ARSK: variants seen among roughly 807,000 people sequenced by gnomAD.
The protein encoded by ARSK is arylsulfatase family member K.
ARSK carries 37 observed loss-of-function variants against 53.2 expected under a neutral mutation model. The ratio of observed to expected loss-of-function variants is 0.70; its 90% CI spans 0.54 to 0.92. The LOEUF (loss-of-function observed/expected upper bound fraction) is 0.92. ARSK is among the 40% of genes least tolerant of loss of function. ARSK has a pLI of 0.00. For missense variants in ARSK, 613 were observed against 643.0 expected, an observed-to-expected ratio of 0.95 and a Z score of 0.51; for synonymous variants, 208 against 223.2, an observed-to-expected ratio of 0.93 and a Z score of 0.61.
intron 6 of ARSK, among the ~76,000 whole-genome samples, chr5:95,595,628 G>A (rs1160358874): frequency 3.3e-5 from 5 of 152,076 alleles, no homozygotes; most frequent in South Asian, 4.2e-4. Context: ...GGTTACTCAT[G>A]GACGTAAAAA....
Position 95,600,916 on chromosome 5 carries a change from T to G in ARSK, c.1166T>G (p.Phe389Cys). ...YSLLPLSSET[F>C]KNEHKVKNLH... Reference sequence around the variant, plus strand: ...TTGTTGCCGTTATCATCAGAAACATTTAAGAATGAACATAAAGTCAAAAAC... The same window carrying G: ...TTGTTGCCGTTATCATCAGAAACATGTAAGAATGAACATAAAGTCAAAAAC... Residue 389 changes from phenylalanine to cysteine, a missense_variant, in exon 7 of 8, where the codon TTT becomes TGT. Transcript: ENST00000380009. The G allele has an allele frequency of 1.9e-6, 3 of 1,614,052 alleles. No homozygotes were observed. The highest frequency in any genetic ancestry group is 2.5e-6 in the Non-Finnish European group (3 of 1,179,972).
rs1465883008 is a variant in ARSK at position 95,583,097 on chromosome 5, A to C, written c.598A>C (p.Ile200Leu). 6 of 1,613,648 alleles carry C rather than the reference A, an allele frequency of 3.7e-6. No homozygotes were observed. Among genetic ancestry groups the C allele is most frequent in the Non-Finnish European group, 5.1e-6 (6 of 1,179,654 alleles). Residue 200 changes from isoleucine to leucine, a missense_variant, in exon 4 of 8, where the codon ATT becomes CTT. Transcript: ENST00000380009. ...EAINYTEPFV[I>L]YLGLNLPHPY... ...AATTAATTACACTGAACCATTTGTT[A>C]TTTACTTGGGATTAAATTTACCACA...
chr5:95,578,499 T>C (rs1748966799), intron 3 of ARSK, among the ~76,000 whole-genome samples: 1 of 152,116 alleles, frequency 6.6e-6, no homozygotes, highest in African/African-American at 2.4e-5. Context: ...GATCCTTTTT[T>C]TTCTTACAGA....
intron 3 of ARSK, chr5:95,581,061 G>A (rs17084910): frequency 0.13 from 60,868 of 466,142 alleles, 6,136 homozygotes; most frequent in African/African-American, 0.37. Context: ...CTAAAGCCAT[G>A]CTTATGAAAA....
intron 4 of ARSK, 92 bp downstream of exon 4, chr5:95,583,290 G>A: frequency 2.5e-6 from 3 of 1,194,770 alleles, no homozygotes; most frequent in Non-Finnish European, 3.3e-6. Flanking sequence ...CACTTTTAAA[G>A]AAAAATTTGA....
At chr5:95,601,202 A>G in intron 7 of ARSK, 131 bp downstream of exon 7, 1 of 922,240 alleles carries the variant, frequency 1.1e-6, no homozygotes, top group South Asian at 1.7e-5. Flanking sequence ...AGGACGATCT[A>G]CAAAAGGTTG....
chr5:95,601,444 T>A (rs1226850891), intron 7 of ARSK, among the ~76,000 whole-genome samples: 1 of 152,202 alleles, frequency 6.6e-6, no homozygotes, highest in Non-Finnish European at 1.5e-5. Flanking sequence ...TATTTAATGT[T>A]CACCACAACC....
intron 3 of ARSK, among the ~76,000 whole-genome samples, chr5:95,576,950 A>G (rs1748934891): frequency 6.6e-6 from 1 of 152,204 alleles, no homozygotes; most frequent in African/African-American, 2.4e-5. Context: ...GCAAGACTCC[A>G]TCATAAGTTA....
At position 95,574,887 on chromosome 5, in the gene ARSK, G is replaced by A. The variant is rs149474661; in HGVS notation, c.416+6838G>A. Among the ~76,000 whole-genome samples, 459 of 152,114 alleles carry A rather than the reference G, an allele frequency of 3.0e-3. 2 individuals carry two copies. Among genetic ancestry groups the A allele is most frequent in the African/African-American group, 9.5e-3 (396 of 41,510 alleles). On this transcript the variant is annotated intron_variant, in intron 3 of 7. Transcript: ENST00000380009. The stretch of plus-strand genomic sequence containing the variant: ...GTCTATTTTTATTTTAGTTGTCTGC[G>A]TTTGTGGGGTATTACTCAAGAAATA...
chr5:95,556,298 A>G (rs1748506453), intron 1 of ARSK: 1 of 698,972 alleles, frequency 1.4e-6, no homozygotes. Context: ...TTAAACTTAG[A>G]GAATGGGCAG....
intron 1 of ARSK, among the ~76,000 whole-genome samples, chr5:95,558,131 T>C (rs1292800914): frequency 6.6e-6 from 1 of 152,128 alleles, no homozygotes; most frequent in Non-Finnish European, 1.5e-5. Context: ...CTAATCCAAG[T>C]TGGAGAGGTT....
chr5:95,567,701 T>C (rs1390316320), intron 2 of ARSK, among the ~76,000 whole-genome samples, 189 bp from the exon 3 acceptor site: 2 of 152,108 alleles, frequency 1.3e-5, no homozygotes, highest in African/African-American at 4.8e-5. Context: ...AAATAGTAAC[T>C]CCCCACAGAG....
chr5:95,566,095 C>A lies in ARSK; in HGVS notation c.224C>A (p.Thr75Lys), dbSNP rs767479498. ...TRGTSFLNAY[T>K]NSPICCPSRA... Reference sequence around the variant, plus strand: ...GGGACTTCCTTTCTGAATGCCTACACAAACTCTCCAATTTGTTGCCCATCA... The same window carrying A: ...GGGACTTCCTTTCTGAATGCCTACAAAAACTCTCCAATTTGTTGCCCATCA... The change falls in exon 2 of 8, where the codon ACA (threonine) becomes AAA (lysine). Residue 75 changes from threonine (T) to lysine (K), a missense_variant. Thr to Lys is a moderately conservative substitution (Grantham distance 78). Coordinates refer to ENST00000380009, the MANE Select transcript of ARSK (RefSeq NM_198150.3). 1 of 1,613,680 alleles carries A rather than the reference C, an allele frequency of 6.2e-7. No individual in the cohort carries two copies. Among genetic ancestry groups the A allele is most frequent in the Non-Finnish European group, 8.5e-7 (1 of 1,179,858 alleles).
At chr5:95,590,743 C>T (rs374778928) in intron 5 of ARSK, among the ~76,000 whole-genome samples, 16 of 152,158 alleles carry the variant, frequency 1.1e-4, no homozygotes, top group African/African-American at 3.9e-4. Flanking sequence ...CTCTTAATTA[C>T]AGTAGGAGGA....
chr5:95,579,166 A>T (rs543460644), intron 3 of ARSK, among the ~76,000 whole-genome samples: 2 of 152,158 alleles, frequency 1.3e-5, no homozygotes, highest in Non-Finnish European at 2.9e-5. Context: ...AAAAATTCTT[A>T]AACTGTGCAT....
intron 1 of ARSK, 66 bp from the exon 2 acceptor site, chr5:95,565,931 TG>T: frequency 7.0e-7 from 1 of 1,422,502 alleles, no homozygotes; most frequent in Admixed American, 2.6e-5. Flanking sequence ...GTAAATTTTA[TG>T]GTTAAAGAAA....
At position 95,598,460 on chromosome 5, in the gene ARSK, C is replaced by T. The variant is rs182912210; in HGVS notation, c.1097-2387C>T. On this transcript the variant is annotated intron_variant, in intron 6 of 7. Coordinates refer to ENST00000380009, the MANE Select transcript of ARSK (RefSeq NM_198150.3). ...TATTTATTAAATATTATGGATATTTCGCATGGGTTTTATCAATTTACAAAG... is the reference window on the plus strand; with the variant it reads ...TATTTATTAAATATTATGGATATTTTGCATGGGTTTTATCAATTTACAAAG... Among the ~76,000 whole-genome samples, 20 of 152,186 alleles carry T rather than the reference C, an allele frequency of 1.3e-4. No homozygotes were observed. The South Asian group carries it at 2.5e-3, about 19-fold the overall frequency.
chr5:95,595,965 T>C (rs889915798), intron 6 of ARSK, among the ~76,000 whole-genome samples: 1 of 152,256 alleles, frequency 6.6e-6, no homozygotes, highest in Non-Finnish European at 1.5e-5. Context: ...TTAGATACTG[T>C]GTCCATCTAA....
At chr5:95,572,077 C>CT (rs1335043833) in intron 3 of ARSK, among the ~76,000 whole-genome samples, 2 of 152,204 alleles carry the variant, frequency 1.3e-5, no homozygotes, top group East Asian at 3.9e-4. Context: ...TTCCATCTGT[C>CT]TTTTTTAGGC....
Sources: gnomAD v4.1 joint callset for allele counts (sites outside exome capture counted in the v4.1 genomes callset) on GRCh38, gnomAD v4.1.1 for gene constraint, MANE v1.5 for transcripts, NCBI Gene and HGNC (gene_info 2026-07-23, HGNC 2026-07-21) for gene names.